GAS7: variants seen among roughly 807,000 people sequenced by gnomAD.
GAS7 encodes growth arrest specific 7, also known as growth arrest-specific protein 7.
GAS7 carries 28 observed loss-of-function variants against 71.1 expected under a neutral mutation model. That is an observed-to-expected ratio of 0.39 (90% confidence interval 0.29 to 0.54). The LOEUF (loss-of-function observed/expected upper bound fraction) is 0.54. Ranked by LOEUF, GAS7 falls within the 20% of genes least tolerant of loss-of-function variation. GAS7 has a pLI of 0.62. For synonymous variants in GAS7, 258 were observed against 245.8 expected, an observed-to-expected ratio of 1.05 and a Z score of -0.46; for missense variants, 436 against 627.8, an observed-to-expected ratio of 0.69 and a Z score of 3.27.
intron 4 of GAS7, among the ~76,000 whole-genome samples, chr17:9,966,299 CT>C (rs1231586723): frequency 3.3e-5 from 5 of 152,086 alleles, no homozygotes; most frequent in African/African-American, 1.2e-4. Flanking sequence ...CGACCGCCCC[CT>C]CCCCCCAAAA....
chr17:10,127,772 G>T (rs2073962308), intron 1 of GAS7, among the ~76,000 whole-genome samples: 1 of 152,154 alleles, frequency 6.6e-6, no homozygotes, highest in African/African-American at 2.4e-5. Flanking sequence ...CTCCAACCAG[G>T]CGAAGTGGAC....
intron 1 of GAS7, among the ~76,000 whole-genome samples, chr17:10,054,177 A>G (rs770952738): frequency 7.9e-5 from 12 of 151,508 alleles, no homozygotes; most frequent in Non-Finnish European, 1.5e-4. Context: ...TTTTTTTTGA[A>G]AAGCATGGCC....
chr17:10,100,374 C>G (rs1033167491), intron 1 of GAS7, among the ~76,000 whole-genome samples: 4 of 152,186 alleles, frequency 2.6e-5, no homozygotes, highest in African/African-American at 9.7e-5. Flanking sequence ...CAAAGTTCAG[C>G]ACAGAATGCC....
chr17:10,167,134 C>T (rs568219243), intron 1 of GAS7, among the ~76,000 whole-genome samples: 20 of 143,632 alleles, frequency 1.4e-4, no homozygotes, highest in African/African-American at 4.5e-4. Context: ...CTCGGCTCAC[C>T]GCAACCTCCA....
At chr17:9,950,394 C>T (rs2068957428) in intron 5 of GAS7, among the ~76,000 whole-genome samples, 1 of 152,026 alleles carries the variant, frequency 6.6e-6, no homozygotes, top group African/African-American at 2.4e-5. Flanking sequence ...CACTTGTAGT[C>T]CCAGCTACTT....
intron 1 of GAS7, among the ~76,000 whole-genome samples, chr17:10,136,499 C>T (rs1048859307): frequency 6.6e-6 from 1 of 152,154 alleles, no homozygotes; most frequent in African/African-American, 2.4e-5. Context: ...ACAGGAAAAG[C>T]CAACTAGCTG....
At position 9,964,655 on chromosome 17, in the gene GAS7, A is replaced by C. The variant is rs909243151; in HGVS notation, c.471+5022T>G. On this transcript the variant is annotated intron_variant, in intron 4 of 13. Coordinates refer to ENST00000432992, the MANE Select transcript of GAS7 (RefSeq NM_201433.2). ...AGGTATCTTTTCTTAAGGTACCTTA[A>C]TTCCTGACATTTCCAGCACCAGGCT... Among the ~76,000 whole-genome samples, 9 of 152,250 alleles carry C rather than the reference A, an allele frequency of 5.9e-5. No homozygotes were observed. The East Asian group carries it at 1.5e-3, about 26-fold the overall frequency.
chr17:10,098,319 C>A (rs1017951910), intron 1 of GAS7, among the ~76,000 whole-genome samples: 1 of 152,200 alleles, frequency 6.6e-6, no homozygotes, highest in Non-Finnish European at 1.5e-5. Context: ...CAAAAGACAC[C>A]TCCAGCCACA....
chr17:10,198,312 C>T lies in GAS7; in HGVS notation c.79G>A (p.Glu27Lys), dbSNP rs1454406764. The T allele has an allele frequency of 6.2e-7, 1 of 1,602,718 alleles. No individual in the cohort carries two copies. ...HGQGLRFAAG[E>K]LITLLQVPDG... Reference sequence around the variant, plus strand: ...GGGACCTGCAGCAGCGTGATCAGCTCGCCCGCGGCGAAGCGCAGCCCCTGG... The same window carrying T: ...GGGACCTGCAGCAGCGTGATCAGCTTGCCCGCGGCGAAGCGCAGCCCCTGG... Residue 27 changes from glutamate to lysine, a missense_variant, in exon 1 of 14, where the codon GAG becomes AAG. By Grantham distance (56) the Glu-to-Lys change is moderately conservative. Coordinates refer to ENST00000432992, the MANE Select transcript of GAS7 (RefSeq NM_201433.2).
At chr17:10,155,018 C>CTT (rs34790124) in intron 1 of GAS7, among the ~76,000 whole-genome samples, 102 of 142,998 alleles carry the variant, frequency 7.1e-4, no homozygotes, top group Middle Eastern at 3.6e-3. Context: ...ACCAATAACT[C>CTT]TTTTTTTTTT....
rs564614911 is a variant in GAS7 at position 9,981,623 on chromosome 17, A to G, written c.385+181T>C. The stretch of plus-strand genomic sequence containing the variant: ...GGAGGCCACCAGAGCTGCTGCTGGC[A>G]CTGCCAGGGAGACACCAACCTGCTT... On this transcript the variant is annotated intron_variant, in intron 3 of 13. Transcript: ENST00000432992. The surrounding 1 kb of genome is among the most constrained non-coding windows in gnomAD (Gnocchi z 4.4). Among the ~76,000 whole-genome samples the G allele has an allele frequency of 6.6e-6, 1 of 152,202 alleles. No homozygotes were observed. Among genetic ancestry groups the G allele is most frequent in the East Asian group, 2.0e-4 (1 of 5,112 alleles).
rs2067729100 is a variant in GAS7 at position 9,919,795 on chromosome 17, C to T, written c.1139-90G>A. On this transcript the variant is annotated intron_variant, in intron 11 of 13. Transcript: ENST00000432992. This position sits in a 1 kb window ranked among gnomAD's most constrained non-coding sequence, Gnocchi z 5.0. ...CTGAGCCCCACAGCCAAGCCTTCTC[C>T]TCCCCCTGGGGTCATGGTGGCCGCT... is the stretch of plus-strand genomic sequence containing the variant. The T allele has an allele frequency of 4.2e-6, 4 of 963,508 alleles. No homozygotes were observed. Among genetic ancestry groups the T allele is most frequent in the South Asian group, 3.8e-5 (3 of 77,988 alleles). The allele number at this position is 963,508 out of a possible 1,614,324, so 59.7% of individuals were successfully genotyped here. A position where few individuals can be genotyped will look rare whatever the true frequency, so the allele number is the denominator to read the frequency against.
intron 4 of GAS7, among the ~76,000 whole-genome samples, chr17:9,961,627 G>C (rs956817530): frequency 6.6e-6 from 1 of 152,222 alleles, no homozygotes; most frequent in Non-Finnish European, 1.5e-5. Flanking sequence ...GAGAAGCAGT[G>C]CAAGAGCGAC....
At chr17:9,944,362 G>A (rs1567804803) in intron 6 of GAS7, among the ~76,000 whole-genome samples, 1 of 152,210 alleles carries the variant, frequency 6.6e-6, no homozygotes, top group Admixed American at 6.5e-5. Context: ...AGAGAGAGGT[G>A]CATTGGTGAG....
intron 1 of GAS7, among the ~76,000 whole-genome samples, chr17:10,070,341 C>A (rs1476974530): frequency 9.4e-6 from 1 of 106,132 alleles, no homozygotes; most frequent in African/African-American, 3.5e-5. Context: ...TCTCTCTCTT[C>A]TTTTTTTTTT....
At chr17:10,090,976 AGGACTCTCAGAGGCAAT>A (rs1456778157) in intron 1 of GAS7, among the ~76,000 whole-genome samples, 1 of 152,180 alleles carries the variant, frequency 6.6e-6, no homozygotes, top group Non-Finnish European at 1.5e-5. Context: ...CTCTCCCCAC[AGGACTCTCAGAGGCAAT>A]GATGGAACCC....
At chr17:9,994,539 A>C (rs1434779071) in intron 2 of GAS7, among the ~76,000 whole-genome samples, 1 of 146,880 alleles carries the variant, frequency 6.8e-6, no homozygotes, top group Non-Finnish European at 1.5e-5. Flanking sequence ...TTCAAGATGG[A>C]TTAAAGACTT....
intron 1 of GAS7, among the ~76,000 whole-genome samples, chr17:10,188,003 GGAGGCC>G (rs772966999): frequency 3.3e-5 from 5 of 152,068 alleles, no homozygotes; most frequent in Admixed American, 2.0e-4. Flanking sequence ...CAGCACTTTG[GGAGGCC>G]GAGGCAGGTG....
At chr17:10,126,543 A>C (rs201951791) in intron 1 of GAS7, among the ~76,000 whole-genome samples, 39 of 14,272 alleles carry the variant, frequency 2.7e-3, no homozygotes, top group Non-Finnish European at 1.7e-3. Flanking sequence ...ACACACAAAG[A>C]GCGCACACAC....
Sources: gnomAD v4.1 joint callset for allele counts (sites outside exome capture counted in the v4.1 genomes callset) on GRCh38, gnomAD v4.1.1 for gene constraint, Gnocchi (gnomAD v3.1) non-coding constraint, MANE v1.5 for transcripts, NCBI Gene and HGNC (gene_info 2026-07-23, HGNC 2026-07-21) for gene names.